The following CNOT4 variants were observed in gnomAD, a reference collection of about 807,000 sequenced individuals.
CNOT4 encodes CCR4-NOT transcription complex subunit 4, also known as CCR4-associated factor 4.
CNOT4 carries 8 observed loss-of-function variants against 73.8 expected under a neutral mutation model. The observed-to-expected ratio is 0.11, with a 90% CI of 0.06 to 0.20. The LOEUF is 0.20. CNOT4 is among the 10% of genes least tolerant of loss of function. The pLI is 1.00. For synonymous variants in CNOT4, 293 were observed against 321.1 expected (o/e 0.91, Z 0.94); for missense variants, 564 against 883.4 (o/e 0.64, Z 4.58).
At chr7:135,376,554 G>A (rs952322923) in intron 10 of CNOT4, among the ~76,000 whole-genome samples, 6 of 152,002 alleles carry the variant, frequency 3.9e-5, no homozygotes, top group African/African-American at 1.2e-4. Context: ...TTCCTATACA[G>A]CAAATCCCTT....
chr7:135,363,176 C>T lies in CNOT4; in HGVS notation c.1851G>A (p.Ala617=), dbSNP rs373049418. Residue 617 remains alanine (A), a synonymous_variant, in exon 12 of 12, where the codon GCG becomes GCA. Transcript: ENST00000541284. This position sits in a 1 kb window ranked among gnomAD's most constrained non-coding sequence, Gnocchi z 4.3. ...TDPAIITGIP[A]SSGNSLDSLQ... The stretch of plus-strand genomic sequence containing the variant: ...GAGAGTCTAAACTGTTTCCTGAAGA[C>T]GCTGGAATACCTAAGGAGAGAAAAG... 121 of 1,612,598 alleles carry T rather than the reference C, an allele frequency of 7.5e-5. No homozygotes were observed. Among genetic ancestry groups the T allele is most frequent in the Admixed American group, 1.0e-4 (6 of 59,966 alleles).
At chr7:135,478,158 G>A (rs914602904) in intron 1 of CNOT4, among the ~76,000 whole-genome samples, 1 of 151,860 alleles carries the variant, frequency 6.6e-6, no homozygotes, top group Non-Finnish European at 1.5e-5. Context: ...ACTCTTATTT[G>A]AATGAAATAT....
intron 7 of CNOT4, among the ~76,000 whole-genome samples, chr7:135,407,680 G>A (rs1477193056): frequency 2.7e-5 from 2 of 73,326 alleles, no homozygotes; most frequent in South Asian, 1.3e-3. Flanking sequence ...ATGGTTGGGA[G>A]GAGTCAATGT....
At chr7:135,477,080 G>A (rs925490215) in intron 1 of CNOT4, among the ~76,000 whole-genome samples, 8 of 152,072 alleles carry the variant, frequency 5.3e-5, no homozygotes, top group Non-Finnish European at 1.0e-4. Flanking sequence ...TGTGGCTCAC[G>A]CCTGCTTTCC....
chr7:135,465,708 T>C (rs1379303001), intron 1 of CNOT4, among the ~76,000 whole-genome samples: 1 of 151,744 alleles, frequency 6.6e-6, no homozygotes, highest in Non-Finnish European at 1.5e-5. Flanking sequence ...TGTGGGCGAA[T>C]GTAAGCATGT....
intron 1 of CNOT4, among the ~76,000 whole-genome samples, chr7:135,498,356 A>C (rs1803731040): frequency 6.6e-6 from 1 of 152,218 alleles, no homozygotes; most frequent in South Asian, 2.1e-4. Context: ...CACAATCTAC[A>C]AACATGAATA....
chr7:135,500,950 T>C (rs974410900), intron 1 of CNOT4, among the ~76,000 whole-genome samples: 1 of 152,064 alleles, frequency 6.6e-6, no homozygotes, highest in Non-Finnish European at 1.5e-5. Context: ...TTTAAAATCA[T>C]TCAGAAACAC....
chr7:135,489,465 A>AGCTCACT (rs1463660221), intron 1 of CNOT4, among the ~76,000 whole-genome samples: 4 of 137,490 alleles, frequency 2.9e-5, no homozygotes, highest in African/African-American at 5.6e-5. Flanking sequence ...GCGTGATCTC[A>AGCTCACT]GCTCACTGCA....
At chr7:135,487,133 C>G (rs535039838) in intron 1 of CNOT4, among the ~76,000 whole-genome samples, 3 of 151,818 alleles carry the variant, frequency 2.0e-5, no homozygotes, top group Non-Finnish European at 4.4e-5. Flanking sequence ...GTTTATAAAA[C>G]CTATGTTTTC....
At chr7:135,446,362 G>A (rs1799823968) in intron 1 of CNOT4, among the ~76,000 whole-genome samples, 1 of 152,118 alleles carries the variant, frequency 6.6e-6, no homozygotes, top group South Asian at 2.1e-4. Flanking sequence ...ATAACAATGT[G>A]AATGTACTTA....
chr7:135,492,325 T>C (rs2129487728), intron 1 of CNOT4, among the ~76,000 whole-genome samples: 1 of 152,284 alleles, frequency 6.6e-6, no homozygotes, highest in South Asian at 2.1e-4. Flanking sequence ...AGATATGAAG[T>C]ACTCAAAGAG....
At chr7:135,471,160 C>T (rs982568706) in intron 1 of CNOT4, among the ~76,000 whole-genome samples, 1 of 151,870 alleles carries the variant, frequency 6.6e-6, no homozygotes, top group African/African-American at 2.4e-5. Flanking sequence ...TAGAACATAC[C>T]TTGCAACTCT....
Position 135,363,210 on chromosome 7 carries a change from G to T in CNOT4, c.1841-24C>A. 2.5e-6 allele frequency: 4 copies of T among 1,607,590 alleles called. No individual in the cohort carries two copies. Among genetic ancestry groups the T allele is most frequent in the Non-Finnish European group, 3.4e-6 (4 of 1,176,168 alleles). ...ACCTAAGGAGAGAAAAGAAAAAAGA[G>T]GGAAAATGGTGAGTTTGTGTGGAAA... On this transcript the variant is annotated intron_variant, in intron 11 of 11. Coordinates refer to ENST00000541284, the MANE Select transcript of CNOT4 (RefSeq NM_001190850.2). This position sits in a 1 kb window ranked among gnomAD's most constrained non-coding sequence, Gnocchi z 4.3.
intron 1 of CNOT4, chr7:135,444,741 G>A: frequency 7.0e-7 from 1 of 1,431,668 alleles, no homozygotes; most frequent in South Asian, 1.1e-5. Context: ...TTCCCTGGCT[G>A]CGACCCTCAC....
chr7:135,495,696 AAGAAAGAAAGAAAG>A (rs1563083512), intron 1 of CNOT4, among the ~76,000 whole-genome samples: 8 of 24,334 alleles, frequency 3.3e-4, no homozygotes, highest in African/African-American at 1.0e-3. Context: ...AAAAAAAAGA[AAGAAAGAAAGAAAG>A]AAAGAAAGAA....
chr7:135,470,186 G>C (rs1343337949), intron 1 of CNOT4, among the ~76,000 whole-genome samples: 1 of 151,862 alleles, frequency 6.6e-6, no homozygotes, highest in Admixed American at 6.6e-5. Flanking sequence ...AGCAACTGCA[G>C]TGGTGCAATT....
intron 10 of CNOT4, among the ~76,000 whole-genome samples, chr7:135,373,274 G>A (rs1795320659): frequency 6.6e-6 from 1 of 152,198 alleles, no homozygotes; most frequent in South Asian, 2.1e-4. Context: ...TATTTGACAG[G>A]AGAAAAGGCA....
At chr7:135,409,625 G>A (rs1797487109) in intron 7 of CNOT4, among the ~76,000 whole-genome samples, 1 of 151,736 alleles carries the variant, frequency 6.6e-6, no homozygotes, top group Non-Finnish European at 1.5e-5. Flanking sequence ...AACAGACACT[G>A]GGCTATAATA....
In CNOT4 at chr7:135,395,883, T is replaced by G. The variant is rs777708358; in HGVS notation, c.880A>C (p.Ile294Leu). 1 of 1,599,142 alleles carries G rather than the reference T, an allele frequency of 6.3e-7. No individual in the cohort carries two copies. Among genetic ancestry groups the G allele is most frequent in the Non-Finnish European group, 8.6e-7 (1 of 1,167,618 alleles). The change falls in exon 9 of 12, where the codon ATA becomes CTA. Residue 294 changes from isoleucine to leucine, a missense_variant and splice_region_variant. Physicochemically the swap from Ile to Leu is conservative, Grantham distance 5. Around this residue, in one of 10 missense-constraint regions of CNOT4, gnomAD observed 135 missense variants for 154.0 expected, o/e 0.88. Transcript: ENST00000541284. ...GGTGAAGGCGTATCACTGTTAGATA[T>G]CTGAATAAAAAAGGAAAACAAATAA... ...SIGNGDNSQQ[I>L]SNSDTPSPPP...
Sources: gnomAD v4.1 joint callset for allele counts (sites outside exome capture counted in the v4.1 genomes callset) on GRCh38, gnomAD v4.1.1 for gene constraint, gnomAD v4.1.1 regional missense constraint, Gnocchi (gnomAD v3.1) non-coding constraint, MANE v1.5 for transcripts, NCBI Gene and HGNC (gene_info 2026-07-23, HGNC 2026-07-21) for gene names.